The following CDC14A variants were observed in gnomAD, a reference collection of about 807,000 sequenced individuals.
CDC14A encodes the protein cell division cycle 14A.
Under a neutral mutation model 74.4 loss-of-function variants are expected in CDC14A, and 53 were observed. The ratio of observed to expected loss-of-function variants is 0.71; its 90% CI spans 0.57 to 0.89. CDC14A has a LOEUF of 0.89. CDC14A is among the 40% of genes least tolerant of loss of function. The pLI is 0.00. For synonymous variants in CDC14A, 247 were observed against 258.4 expected (o/e 0.96, Z 0.43); for missense variants, 646 against 713.7 (o/e 0.91, Z 1.08).
At chr1:100,381,057 A>C (rs533683224) in intron 3 of CDC14A, among the ~76,000 whole-genome samples, 1 of 152,286 alleles carries the variant, frequency 6.6e-6, no homozygotes, top group South Asian at 2.1e-4. Flanking sequence ...TGTCATTCTC[A>C]CTAGACTATG....
rs147859939 is a variant in CDC14A, at chr1:100,468,119, C to T, written c.977+25C>T. ...AGTAAGTATATTGTCCCCATTACCA[C>T]ATTATATCCTGTTCTTGATCCTTTC... On this transcript the variant is annotated intron_variant, in intron 10 of 15. Transcript: ENST00000336454. 1.4e-5 allele frequency: 23 copies of T among 1,612,578 alleles called. No homozygotes were observed. In the African/African-American group the frequency reaches 2.9e-4, roughly 21 times the overall value.
chr1:100,494,843 A>C lies in CDC14A; in HGVS notation c.1163A>C (p.Glu388Ala), dbSNP rs1647552707. The C allele has an allele frequency of 1.2e-6, 2 of 1,611,622 alleles. No individual in the cohort carries two copies. Among genetic ancestry groups the C allele is most frequent in the African/African-American group, 1.3e-5 (1 of 74,884 alleles). Residue 388 changes from glutamate to alanine, a missense_variant, in exon 12 of 16, where the codon GAA (glutamate) becomes GCA (alanine). Glu to Ala is a moderately radical substitution (Grantham distance 107, BLOSUM62 -1). Coordinates refer to ENST00000336454, the MANE Select transcript of CDC14A (RefSeq NM_003672.4). ...GEDNLEDDDVEMKNGITQGDK... is the reference protein window; with the variant it reads ...GEDNLEDDDVAMKNGITQGDK... ...GATAACTTAGAAGATGATGATGTGG[A>C]AATGAAAAATGGTATAACCCAGGGA... is the stretch of plus-strand genomic sequence containing the variant.
intron 4 of CDC14A, among the ~76,000 whole-genome samples, chr1:100,394,680 G>T (rs1373850636): frequency 6.6e-6 from 1 of 152,214 alleles, no homozygotes; most frequent in Non-Finnish European, 1.5e-5. Context: ...GTCTTGAGAA[G>T]CAGTGTGAAG....
At chr1:100,397,419 G>A (rs1658667644) in intron 4 of CDC14A, among the ~76,000 whole-genome samples, 1 of 152,168 alleles carries the variant, frequency 6.6e-6, no homozygotes, top group African/African-American at 2.4e-5. Context: ...GATCATTGTA[G>A]CATCTAAAAC....
Position 100,352,652 on chromosome 1 carries a change from G to A in CDC14A, c.-303G>A, listed in dbSNP as rs2100868398. 7.9e-7 allele frequency: 1 copy of A among 1,263,234 alleles called. No homozygotes were observed. The highest frequency in any genetic ancestry group is 1.0e-6 in the Non-Finnish European group (1 of 1,002,758). The allele number at this position is 1,263,234 out of a possible 1,614,324, so 78.3% of individuals were successfully genotyped here. A position where few individuals can be genotyped will look rare whatever the true frequency, so the allele number is the denominator to read the frequency against. On this transcript the variant is annotated 5_prime_UTR_variant, in exon 1 of 16. Coordinates refer to ENST00000336454, the MANE Select transcript of CDC14A (RefSeq NM_003672.4). The stretch of plus-strand genomic sequence containing the variant: ...TGCCCTGCCCTGAGAGCTGGTCTGC[G>A]TTTCCCAGGCGCGGCGGCGGCGGAG...
At chr1:100,483,491 A>AT (rs1401002501) in intron 10 of CDC14A, among the ~76,000 whole-genome samples, 2 of 152,122 alleles carry the variant, frequency 1.3e-5, no homozygotes, top group Admixed American at 6.5e-5. Context: ...TTTTATGACG[A>AT]ACCACAGTGT....
intron 5 of CDC14A, among the ~76,000 whole-genome samples, chr1:100,426,269 T>C (rs1208012629): frequency 6.6e-6 from 1 of 152,102 alleles, no homozygotes; most frequent in Non-Finnish European, 1.5e-5. Context: ...CCCACCACCA[T>C]GCCTGGCTAA....
intron 2 of CDC14A, among the ~76,000 whole-genome samples, chr1:100,365,107 A>G (rs1653384754): frequency 6.6e-6 from 1 of 152,214 alleles, no homozygotes; most frequent in Admixed American, 6.5e-5. Flanking sequence ...TTCCTTTATG[A>G]TCTCAACAAA....
chr1:100,462,636 C>T lies in CDC14A; in HGVS notation c.608-15C>T. 6.3e-7 allele frequency: 1 copy of T among 1,599,460 alleles called. No individual in the cohort carries two copies. On this transcript the variant is annotated splice_polypyrimidine_tract_variant and intron_variant, in intron 8 of 15. Transcript: ENST00000336454. ...AAATGCATGCCTTTTGCTTACTGCT[C>T]CTTTGTTCCTTTAGGTTATCCTCTT...
chr1:100,412,713 T>TATATATATATATATAAA (rs1557732035), intron 4 of CDC14A, among the ~76,000 whole-genome samples: 1 of 102,266 alleles, frequency 9.8e-6, no homozygotes, highest in Non-Finnish European at 1.8e-5. Flanking sequence ...TATATATATA[T>TATATATATATATATAAA]ATATATATAT....
intron 15 of CDC14A, among the ~76,000 whole-genome samples, chr1:100,515,451 T>A (rs758243182): frequency 5.3e-5 from 8 of 151,486 alleles, no homozygotes; most frequent in Non-Finnish European, 1.2e-4. Flanking sequence ...TGGAGTGATC[T>A]GAGCTCGCTG....
intron 2 of CDC14A, among the ~76,000 whole-genome samples, chr1:100,357,376 G>A (rs1331428928): frequency 6.6e-6 from 1 of 152,124 alleles, no homozygotes; most frequent in African/African-American, 2.4e-5. Flanking sequence ...GAGAAAGGGA[G>A]AAGGACTGAC....
chr1:100,469,601 G>T (rs1668189720), intron 10 of CDC14A, among the ~76,000 whole-genome samples: 1 of 152,124 alleles, frequency 6.6e-6, no homozygotes, highest in Non-Finnish European at 1.5e-5. Context: ...TGGTCTTAGG[G>T]TTAAAAAACC....
chr1:100,368,733 A>G (rs1296063042), intron 2 of CDC14A, among the ~76,000 whole-genome samples: 1 of 151,866 alleles, frequency 6.6e-6, no homozygotes, highest in Admixed American at 6.6e-5. Flanking sequence ...GCAACCCTTT[A>G]CTCCCTTCTT....
rs1433309713 is a variant in CDC14A, at chr1:100,363,614, C to G, written c.140+9762C>G. ...GAAGAATTTGCCAGTTTAGACTTCT[C>G]TTTTTTTTTTTTTATAAAATTTAAT... On this transcript the variant is annotated intron_variant, in intron 2 of 15. Coordinates refer to ENST00000336454, the MANE Select transcript of CDC14A (RefSeq NM_003672.4). 1.1e-4 allele frequency among the ~76,000 whole-genome samples: 16 copies of G among 141,744 alleles called. No homozygotes were observed. In the Admixed American group the frequency reaches 1.1e-3, roughly 10 times the overall value. 93.0% of individuals were successfully genotyped at this position (141,744 alleles called of 152,430 possible). A position where few individuals can be genotyped will look rare whatever the true frequency, so the allele number is the denominator to read the frequency against.
At chr1:100,383,302 T>G (rs1227567923) in intron 3 of CDC14A, among the ~76,000 whole-genome samples, 1 of 152,188 alleles carries the variant, frequency 6.6e-6, no homozygotes, top group Non-Finnish European at 1.5e-5. Context: ...TCTCTGACAT[T>G]TTGACTTCTG....
intron 4 of CDC14A, among the ~76,000 whole-genome samples, chr1:100,420,057 C>CCATAT (rs1553180503): frequency 9.2e-4 from 28 of 30,578 alleles, no homozygotes; most frequent in African/African-American, 3.7e-3. Flanking sequence ...CACACACACA[C>CCATAT]ACACACATAT....
upstream of CDC14A, among the ~76,000 whole-genome samples, chr1:100,351,251 G>A (rs551690551): frequency 1.3e-5 from 2 of 150,944 alleles, no homozygotes; most frequent in Admixed American, 1.3e-4. Flanking sequence ...ATTGGCCCTC[G>A]AAGGGCTGGT....
At chr1:100,416,718 G>C (rs1339036117) in intron 4 of CDC14A, among the ~76,000 whole-genome samples, 1 of 152,098 alleles carries the variant, frequency 6.6e-6, no homozygotes, top group African/African-American at 2.4e-5. Flanking sequence ...TCTCCTTTTT[G>C]TTGTCCCTTG....
Sources: gnomAD v4.1 joint callset for allele counts (sites outside exome capture counted in the v4.1 genomes callset) on GRCh38, gnomAD v4.1.1 for gene constraint, MANE v1.5 for transcripts, NCBI Gene and HGNC (gene_info 2026-07-23, HGNC 2026-07-21) for gene names.